The following TRIM25 variants were observed in gnomAD, a reference collection of about 807,000 sequenced individuals.
The protein encoded by TRIM25 is E3 ubiquitin/ISG15 ligase TRIM25.
A neutral mutation model predicts 65.2 loss-of-function variants in TRIM25; 45 were observed. The ratio of observed to expected loss-of-function variants is 0.69; its 90% confidence interval spans 0.54 to 0.89. TRIM25 has a LOEUF of 0.89. Ranked by LOEUF, TRIM25 falls within the 40% of genes least tolerant of loss-of-function variation. The pLI, the probability that TRIM25 is intolerant of heterozygous loss-of-function variation, is 0.00. For synonymous variants in TRIM25, 321 were observed against 340.4 expected, an observed-to-expected ratio of 0.94 and a Z score of 0.63; for missense variants, 714 against 803.7, an observed-to-expected ratio of 0.89 and a Z score of 1.35.
chr17:56,895,691 C>T (rs1909278533), intron 6 of TRIM25, 87 bp from the exon 7 acceptor site: 2 of 1,375,334 alleles, frequency 1.5e-6, no homozygotes, highest in Non-Finnish European at 9.9e-7. Flanking sequence ...CTTCTACAAA[C>T]ACACGCCTGA....
chr17:56,904,503 G>GT lies in TRIM25; in HGVS notation c.694-16dup. 6.2e-7 allele frequency: 1 copy of GT among 1,612,298 alleles called. No individual in the cohort carries two copies. Among genetic ancestry groups the GT allele is most frequent in the African/African-American group, 1.3e-5 (1 of 74,938 alleles). On this transcript the variant is annotated splice_polypyrimidine_tract_variant and intron_variant, in intron 2 of 8. Coordinates refer to ENST00000316881, the MANE Select transcript of TRIM25 (RefSeq NM_005082.5). ...TTTGCAGTCATCTGAGAGGGCCAAG[G>GT]TAAGAGGATGCCCGTCAAAGGGGCA...
rs2144346119 is a variant in TRIM25 at position 56,891,578 on chromosome 17, C to T, written c.*122G>A. 4.7e-6 allele frequency: 5 copies of T among 1,072,914 alleles called. No individual in the cohort carries two copies. In the South Asian group the frequency reaches 8.3e-5, roughly 18 times the overall value. The allele number at this position is 1,072,914 out of a possible 1,614,324, so 66.5% of individuals were successfully genotyped here. A position where few individuals can be genotyped will look rare whatever the true frequency, so the allele number is the denominator to read the frequency against. ...CACCTCCCACCCTCCCGCCAGCTCCCCTCCCATGCTCCCAATCCTTGGGAC... is the reference window on the plus strand; with the variant it reads ...CACCTCCCACCCTCCCGCCAGCTCCTCTCCCATGCTCCCAATCCTTGGGAC... On this transcript the variant is annotated 3_prime_UTR_variant, in exon 9 of 9. Coordinates refer to ENST00000316881, the MANE Select transcript of TRIM25 (RefSeq NM_005082.5).
chr17:56,903,329 G>A (rs1399084087), intron 3 of TRIM25, among the ~76,000 whole-genome samples: 3 of 152,200 alleles, frequency 2.0e-5, no homozygotes, highest in Non-Finnish European at 2.9e-5. Flanking sequence ...GAGCCTGGGG[G>A]CAGAGGTTTC....
rs551305514 is a variant in TRIM25 at position 56,908,358 on chromosome 17, T to C, written c.693+110A>G. ...CAAGGTTGATGTTTCATCCTGACAC[T>C]GTGAGTGCACCCAACACCAGCCTTG... On this transcript the variant is annotated intron_variant, in intron 2 of 8. Transcript: ENST00000316881. 34 of 1,023,334 alleles carry C rather than the reference T, an allele frequency of 3.3e-5. No homozygotes were observed. The African/African-American group carries it at 4.9e-4, about 15-fold the overall frequency. The allele number at this position is 1,023,334 out of a possible 1,614,324, so 63.4% of individuals were successfully genotyped here. A position where few individuals can be genotyped will look rare whatever the true frequency, so the allele number is the denominator to read the frequency against.
intron 5 of TRIM25, among the ~76,000 whole-genome samples, chr17:56,897,000 C>A (rs1050429872): frequency 6.6e-6 from 1 of 151,734 alleles, no homozygotes; most frequent in Non-Finnish European, 1.5e-5. Context: ...ACAGTCCTAA[C>A]TCCTCAAGAG....
At chr17:56,901,307 C>G in intron 4 of TRIM25, 112 bp downstream of exon 4, 1 of 1,257,740 alleles carries the variant, frequency 8.0e-7, no homozygotes, top group Non-Finnish European at 1.1e-6. Flanking sequence ...AGCCCTGAAA[C>G]TCAGGCCCCA....
chr17:56,898,819 G>A (rs1169460435), intron 5 of TRIM25: 3 of 317,248 alleles, frequency 9.5e-6, no homozygotes, highest in South Asian at 9.6e-5. Context: ...TTCCTGGACC[G>A]CCATCAGTCT....
At chr17:56,892,712 C>T (rs1291389503) in intron 8 of TRIM25, among the ~76,000 whole-genome samples, 2 of 152,194 alleles carry the variant, frequency 1.3e-5, no homozygotes, top group African/African-American at 4.8e-5. Context: ...ATCTATCAGT[C>T]ATCCGTATGT....
In TRIM25 at chr17:56,888,824, G is replaced by A. The variant is rs1567836202; in HGVS notation, c.*2876C>T. On this transcript the variant is annotated 3_prime_UTR_variant, in exon 9 of 9. Coordinates refer to ENST00000316881, the MANE Select transcript of TRIM25 (RefSeq NM_005082.5). ...GAGCCCTTGGGTGGGGCCTGGGCAGGTCCCTGGGCAGTAGCCGTCTGTAGT... is the reference window on the plus strand; with the variant it reads ...GAGCCCTTGGGTGGGGCCTGGGCAGATCCCTGGGCAGTAGCCGTCTGTAGT... 1 of 152,270 alleles carries A rather than the reference G, an allele frequency of 6.6e-6. No homozygotes were observed. Among genetic ancestry groups the A allele is most frequent in the Non-Finnish European group, 1.5e-5 (1 of 68,102 alleles). The allele number at this position is 152,270 out of a possible 1,614,324, so 9.4% of individuals were successfully genotyped here.
intron 4 of TRIM25, among the ~76,000 whole-genome samples, chr17:56,900,134 A>G (rs1353220698): frequency 6.6e-6 from 1 of 152,190 alleles, no homozygotes; most frequent in Non-Finnish European, 1.5e-5. Context: ...GAAATGCTTG[A>G]ACCTGGGTGG....
At position 56,895,449 on chromosome 17, in the gene TRIM25, A is replaced by T. The variant is rs1909272591; in HGVS notation, c.1265-8T>A. On this transcript the variant is annotated splice_polypyrimidine_tract_variant and splice_region_variant and intron_variant, in intron 7 of 8. Coordinates refer to ENST00000316881, the MANE Select transcript of TRIM25 (RefSeq NM_005082.5). ...TGGTGGCTTTGGCTGCAGCTGGGAG[A>T]GGAAACAGAGAGTGATTTGCAGAAC... The T allele has an allele frequency of 6.2e-7, 1 of 1,614,096 alleles. No individual in the cohort carries two copies. Among genetic ancestry groups the T allele is most frequent in the East Asian group, 2.2e-5 (1 of 44,882 alleles).
chr17:56,888,870 A>G lies in TRIM25; in HGVS notation c.*2830T>C, dbSNP rs911912869. Reference sequence around the variant, plus strand: ...GTAGTGGGCGGCTCATCTGCTGACAACAGTATGACGAACAAATAGCATTTT... The same window carrying G: ...GTAGTGGGCGGCTCATCTGCTGACAGCAGTATGACGAACAAATAGCATTTT... On this transcript the variant is annotated 3_prime_UTR_variant, in exon 9 of 9. Transcript: ENST00000316881. 1.1e-4 allele frequency: 16 copies of G among 152,240 alleles called. No individual in the cohort carries two copies. Among genetic ancestry groups the G allele is most frequent in the Admixed American group, 9.8e-4 (15 of 15,286 alleles). The allele number at this position is 152,240 out of a possible 1,614,324, so 9.4% of individuals were successfully genotyped here.
At chr17:56,900,366 G>A (rs547575434) in intron 4 of TRIM25, among the ~76,000 whole-genome samples, 21 of 152,256 alleles carry the variant, frequency 1.4e-4, no homozygotes, top group African/African-American at 3.6e-4. Flanking sequence ...CGGCCTGGGC[G>A]ACAGAGCAAG....
At chr17:56,907,644 T>C (rs1177527307) in intron 2 of TRIM25, among the ~76,000 whole-genome samples, 1 of 152,240 alleles carries the variant, frequency 6.6e-6, no homozygotes, top group Non-Finnish European at 1.5e-5. Flanking sequence ...ACTTCCACTA[T>C]GATCCTTCTA....
intron 2 of TRIM25, among the ~76,000 whole-genome samples, chr17:56,908,157 G>A (rs2144362055): frequency 6.6e-6 from 1 of 152,270 alleles, no homozygotes; most frequent in East Asian, 1.9e-4. Context: ...GCAACCCTAT[G>A]AGCTATATAC....
At chr17:56,897,907 A>G (rs184199606) in intron 5 of TRIM25, among the ~76,000 whole-genome samples, 3 of 152,302 alleles carry the variant, frequency 2.0e-5, no homozygotes, top group Non-Finnish European at 4.4e-5. Flanking sequence ...CATCTGCACC[A>G]GGCATCCCAG....
At chr17:56,907,215 G>A (rs1909538971) in intron 2 of TRIM25, among the ~76,000 whole-genome samples, 1 of 152,248 alleles carries the variant, frequency 6.6e-6, no homozygotes, top group African/African-American at 2.4e-5. Flanking sequence ...GGTTACTCAT[G>A]TGTGGGTTTG....
At position 56,913,949 on chromosome 17, in the gene TRIM25, A is replaced by G; in HGVS notation, c.40T>C (p.Ser14Pro). 6 of 1,583,908 alleles carry G rather than the reference A, an allele frequency of 3.8e-6. No individual in the cohort carries two copies. The highest frequency in any genetic ancestry group is 2.3e-5 in the East Asian group (1 of 43,920). The change falls in exon 1 of 9, where the codon TCC (serine) becomes CCC (proline). Residue 14 changes from serine to proline, a missense_variant. Ser to Pro is a moderately conservative substitution (Grantham distance 74). This residue lies in a region of TRIM25 where 291 missense variants were observed against 281.8 expected (regional missense o/e 1.03). Coordinates refer to ENST00000316881, the MANE Select transcript of TRIM25 (RefSeq NM_005082.5). The surrounding 1 kb of genome is among the most constrained non-coding windows in gnomAD (Gnocchi z 6.1). ...LCPLAEELSC[S>P]ICLEPFKEPV... is the part of the protein sequence containing the mutation. ...TCCTTGAAGGGCTCCAGGCAGATGGAGCACGACAGCTCCTCGGCCAGGGGG... is the reference window on the plus strand; with the variant it reads ...TCCTTGAAGGGCTCCAGGCAGATGGGGCACGACAGCTCCTCGGCCAGGGGG...
chr17:56,895,077 G>A (rs1250767055), intron 8 of TRIM25, among the ~76,000 whole-genome samples: 4 of 152,194 alleles, frequency 2.6e-5, no homozygotes, highest in East Asian at 1.9e-4. Context: ...ACATGCAGGC[G>A]CCGACCCACA....
Sources: allele counts gnomAD v4.1 joint callset (sites outside exome capture counted in the v4.1 genomes callset), GRCh38; gene constraint gnomAD v4.1.1; regional missense constraint gnomAD v4.1.1; non-coding constraint Gnocchi (gnomAD v3.1); transcripts MANE v1.5; gene names NCBI Gene and HGNC (gene_info 2026-07-23, HGNC 2026-07-21).